KCND3: variants seen among roughly 807,000 people sequenced by gnomAD.
KCND3 encodes the protein A-type voltage-gated potassium channel KCND3.
Under a neutral mutation model 51.1 loss-of-function variants are expected in KCND3, and 9 were observed. The ratio of observed to expected loss-of-function variants is 0.18; its 90% confidence interval spans 0.11 to 0.31. The LOEUF (loss-of-function observed/expected upper bound fraction) is 0.31. KCND3 is among the 10% of genes least tolerant of loss of function. The pLI, the probability that KCND3 is intolerant of heterozygous loss-of-function variation, is 1.00. For synonymous variants in KCND3, 349 were observed against 368.0 expected (o/e 0.95, Z 0.59); for missense variants, 526 against 903.8 (o/e 0.58, Z 5.36).
chr1:111,783,220 A>AT (rs1664463261), intron 3 of KCND3, among the ~76,000 whole-genome samples: 1 of 146,960 alleles, frequency 6.8e-6, no homozygotes, highest in Non-Finnish European at 1.5e-5. Flanking sequence ...AAAAAAAAAA[A>AT]GGAGGATGTG....
intron 2 of KCND3, among the ~76,000 whole-genome samples, chr1:111,856,182 G>A (rs1399656110): frequency 6.6e-6 from 1 of 152,236 alleles, no homozygotes; most frequent in Non-Finnish European, 1.5e-5. Flanking sequence ...TAGGATAGCA[G>A]GGGTGTTTTC....
chr1:111,781,160 G>A (rs1021744065), intron 3 of KCND3, among the ~76,000 whole-genome samples: 1 of 152,132 alleles, frequency 6.6e-6, no homozygotes, highest in Non-Finnish European at 1.5e-5. Flanking sequence ...CTCCTTAGAG[G>A]AGTGTATGTG....
chr1:111,891,579 T>C (rs1669821658), intron 2 of KCND3, among the ~76,000 whole-genome samples: 1 of 152,158 alleles, frequency 6.6e-6, no homozygotes, highest in Admixed American at 6.5e-5. Flanking sequence ...ACTTATTAAC[T>C]TGTTAAACAC....
intron 2 of KCND3, among the ~76,000 whole-genome samples, chr1:111,888,399 A>G (rs1669663472): frequency 6.6e-6 from 1 of 152,186 alleles, no homozygotes; most frequent in Non-Finnish European, 1.5e-5. Flanking sequence ...GAACAAAGAC[A>G]GTGAGGCCGG....
intron 2 of KCND3, among the ~76,000 whole-genome samples, chr1:111,866,268 T>TTTTTA (rs1668566271): frequency 7.8e-6 from 1 of 128,414 alleles, no homozygotes; most frequent in Non-Finnish European, 1.7e-5. Context: ...CTTTTCTTTT[T>TTTTTA]TTTTTTTTTT....
intron 2 of KCND3, among the ~76,000 whole-genome samples, chr1:111,812,416 GT>G (rs1665895616): frequency 6.6e-6 from 1 of 152,206 alleles, no homozygotes; most frequent in Non-Finnish European, 1.5e-5. Context: ...GAGGGCCACA[GT>G]GTGAAGGAGC....
At chr1:111,934,072 C>CG (rs375482478) in intron 2 of KCND3, among the ~76,000 whole-genome samples, 1 of 152,128 alleles carries the variant, frequency 6.6e-6, no homozygotes, top group East Asian at 1.9e-4. Context: ...GAAGGTGGTG[C>CG]GGGGGCTCAG....
At position 111,954,090 on chromosome 1, in the gene KCND3, T is replaced by C. The variant is rs1035166392; in HGVS notation, c.1106+27531A>G. ...GGTTGCTGTGTCCCGCTCCCAAAGA[T>C]GGAAGGCCCCTCAGATGGCCCATAG... is the stretch of plus-strand genomic sequence containing the variant. On this transcript the variant is annotated intron_variant, in intron 2 of 7. Transcript: ENST00000302127. Among the ~76,000 whole-genome samples, 12 of 152,266 alleles carry C rather than the reference T, an allele frequency of 7.9e-5. No individual in the cohort carries two copies. In the East Asian group the frequency reaches 2.3e-3, roughly 29 times the overall value.
chr1:111,941,865 C>T (rs1228987176), intron 2 of KCND3, among the ~76,000 whole-genome samples: 6 of 152,210 alleles, frequency 3.9e-5, no homozygotes, highest in East Asian at 1.9e-4. Context: ...TTCCCTAGGG[C>T]GGGGCGCAAG....
At chr1:111,776,894 G>T in intron 7 of KCND3, 132 bp downstream of exon 7, 1 of 1,511,700 alleles carries the variant, frequency 6.6e-7, no homozygotes, top group Non-Finnish European at 9.0e-7. Context: ...AAAGGAGGAA[G>T]GTAGAGGGGC....
rs148338292 is a variant in KCND3 at position 111,963,014 on chromosome 1, T to C, written c.1106+18607A>G. On this transcript the variant is annotated intron_variant, in intron 2 of 7. Coordinates refer to ENST00000302127, the MANE Select transcript of KCND3 (RefSeq NM_001378969.1). ...ACTGGATGATGTGAGACAACAGCCA[T>C]GTCACCTCTCTTTGTTGCCCCAGGA... Among the ~76,000 whole-genome samples, 170 of 152,242 alleles carry C rather than the reference T, an allele frequency of 1.1e-3. 1 individual carries two copies. Among genetic ancestry groups the C allele is most frequent in the Admixed American group, 3.2e-3 (49 of 15,296 alleles).
In KCND3 at chr1:111,780,230, T is replaced by C. The variant is rs149008060; in HGVS notation, c.1456A>G (p.Thr486Ala). 1.1e-3 allele frequency: 1,671 copies of C among 1,584,728 alleles called. 2 individuals are homozygous for C. The highest frequency in any genetic ancestry group is 1.3e-3 in the Non-Finnish European group (1,541 of 1,164,692). ...HHHLLHCLEK[T>A]TGLSYLVDDP... is the part of the protein sequence containing the mutation. ...GGCAAAGGGCTGGGACTCACAGTGG[T>C]TTTTTCCAGGCAGTGCAGCAGGTGA... The change falls in exon 5 of 8, where the codon ACC becomes GCC. Residue 486 changes from threonine to alanine, a missense_variant. Transcript: ENST00000302127. This position sits in a 1 kb window ranked among gnomAD's most constrained non-coding sequence, Gnocchi z 4.2.
intron 2 of KCND3, among the ~76,000 whole-genome samples, chr1:111,802,349 G>A (rs924485317): frequency 6.6e-6 from 1 of 152,184 alleles, no homozygotes; most frequent in African/African-American, 2.4e-5. Context: ...CACTGCCAGT[G>A]GCTGTTTCAC....
chr1:111,957,589 T>C (rs1673402543), intron 2 of KCND3, among the ~76,000 whole-genome samples: 1 of 152,144 alleles, frequency 6.6e-6, no homozygotes, highest in African/African-American at 2.4e-5. Flanking sequence ...TGTGTTCACA[T>C]ATGCCAGGAA....
intron 1 of KCND3, chr1:111,989,283 C>G (rs959454927): frequency 1.3e-5 from 2 of 152,386 alleles, no homozygotes; most frequent in Admixed American, 6.5e-5. Flanking sequence ...CAGCGCCTGG[C>G]TGCCCGGAGG....
chr1:111,930,728 T>C (rs1288986186), intron 2 of KCND3, among the ~76,000 whole-genome samples: 1 of 152,042 alleles, frequency 6.6e-6, no homozygotes, highest in African/African-American at 2.4e-5. Context: ...GTAAATGACT[T>C]AAAAGCCCCT....
chr1:111,892,966 T>C (rs1304931309), intron 2 of KCND3, among the ~76,000 whole-genome samples: 1 of 152,202 alleles, frequency 6.6e-6, no homozygotes, highest in African/African-American at 2.4e-5. Flanking sequence ...TGAGTTTTGC[T>C]CACCTTGGAC....
At chr1:111,925,199 C>T (rs1671649482) in intron 2 of KCND3, among the ~76,000 whole-genome samples, 1 of 152,230 alleles carries the variant, frequency 6.6e-6, no homozygotes, top group South Asian at 2.1e-4. Flanking sequence ...TCAGCAACCC[C>T]AGAATGTGTG....
At chr1:111,813,081 C>A (rs753514732) in intron 2 of KCND3, among the ~76,000 whole-genome samples, 11 of 152,130 alleles carry the variant, frequency 7.2e-5, no homozygotes, top group Non-Finnish European at 1.5e-4. Context: ...CCCTATCTCC[C>A]CAGGTGAGAC....
Sources: gnomAD v4.1 joint callset for allele counts (sites outside exome capture counted in the v4.1 genomes callset) on GRCh38, gnomAD v4.1.1 for gene constraint, Gnocchi (gnomAD v3.1) non-coding constraint, MANE v1.5 for transcripts, NCBI Gene and HGNC (gene_info 2026-07-23, HGNC 2026-07-21) for gene names.